ANKRD18A: variants seen among roughly 807,000 people sequenced by gnomAD.
ANKRD18A encodes ankyrin repeat domain 18A, also known as ankyrin repeat domain-containing protein 18A.
ANKRD18A carries 72 observed loss-of-function variants against 110.6 expected under a neutral mutation model. The observed-to-expected ratio is 0.65, with a 90% confidence interval of 0.54 to 0.79. The LOEUF is 0.79. Ranked by LOEUF, ANKRD18A falls within the 30% of genes least tolerant of loss-of-function variation. The probability of loss-of-function intolerance (pLI) is 0.00; values close to 1 mark genes in which losing one functional copy is unlikely to be tolerated. For missense variants in ANKRD18A, 934 were observed against 1,163.3 expected, an observed-to-expected ratio of 0.80 and a Z score of 2.87; for synonymous variants, 305 against 410.3, an observed-to-expected ratio of 0.74 and a Z score of 3.10.
downstream of ANKRD18A, chr9:38,566,965 C>A (rs1460537166): frequency 1.3e-5 from 2 of 152,138 alleles, no homozygotes; most frequent in Admixed American, 6.5e-5. Flanking sequence ...AAATATAATT[C>A]AACATGAGAT....
chr9:38,613,665 T>G (rs1260303249), intron 3 of ANKRD18A, among the ~76,000 whole-genome samples: 1 of 152,234 alleles, frequency 6.6e-6, no homozygotes, highest in East Asian at 1.9e-4. Flanking sequence ...TCCTATTGTA[T>G]TCTCACTGAC....
chr9:38,577,328 C>A, intron 13 of ANKRD18A, 64 bp from the exon 14 acceptor site: 1 of 1,459,460 alleles, frequency 6.9e-7, no homozygotes, highest in Non-Finnish European at 9.1e-7. Context: ...AGGTTTGTTG[C>A]CTTTCATTTT....
intron 10 of ANKRD18A, among the ~76,000 whole-genome samples, chr9:38,592,514 G>A (rs549677443): frequency 6.6e-6 from 1 of 152,338 alleles, no homozygotes; most frequent in African/African-American, 2.4e-5. Flanking sequence ...CAGGAACTGA[G>A]AAGGCAGGAA....
chr9:38,586,888 G>A (rs1970295), intron 11 of ANKRD18A, among the ~76,000 whole-genome samples: 70,629 of 151,942 alleles, frequency 0.46, 19,402 homozygotes, highest in African/African-American at 0.77. Flanking sequence ...TTTATAAATA[G>A]ACTATTCATA....
chr9:38,606,814 G>A (rs1211496954), intron 6 of ANKRD18A, among the ~76,000 whole-genome samples: 1 of 151,988 alleles, frequency 6.6e-6, no homozygotes, highest in Admixed American at 6.6e-5. Flanking sequence ...AATTATGGAG[G>A]AAATTGCAAC....
chr9:38,589,278 A>G (rs1824528176), intron 10 of ANKRD18A, among the ~76,000 whole-genome samples: 1 of 152,146 alleles, frequency 6.6e-6, no homozygotes, highest in African/African-American at 2.4e-5. Flanking sequence ...CTCCCCTTCC[A>G]TTGGACTCTA....
chr9:38,589,864 C>T (rs1824562024), intron 10 of ANKRD18A, among the ~76,000 whole-genome samples: 1 of 152,182 alleles, frequency 6.6e-6, no homozygotes, highest in Admixed American at 6.5e-5. Flanking sequence ...CTCAGAACTC[C>T]TAATATCTCA....
At chr9:38,588,212 C>T (rs1824468304) in intron 11 of ANKRD18A, among the ~76,000 whole-genome samples, 1 of 152,124 alleles carries the variant, frequency 6.6e-6, no homozygotes, top group Non-Finnish European at 1.5e-5. Context: ...CCCAATCTCG[C>T]CCCAGCAGCT....
intron 10 of ANKRD18A, among the ~76,000 whole-genome samples, chr9:38,590,470 T>G (rs1316385936): frequency 6.6e-6 from 1 of 152,152 alleles, no homozygotes; most frequent in African/African-American, 2.4e-5. Flanking sequence ...CAGGCTCTTC[T>G]TGTACTTCTG....
intron 14 of ANKRD18A, 47 bp downstream of exon 14, chr9:38,577,006 A>T (rs1823922130): frequency 6.6e-7 from 1 of 1,511,176 alleles, no homozygotes; most frequent in Non-Finnish European, 8.9e-7. Context: ...TTTTAAGACA[A>T]ATTAATGAGC....
chr9:38,573,143 AT>A, intron 15 of ANKRD18A: 11 of 1,116,434 alleles, frequency 9.9e-6, no homozygotes, highest in African/African-American at 1.6e-5. Context: ...AAATAAGTAA[AT>A]AATAATAATA....
intron 8 of ANKRD18A, among the ~76,000 whole-genome samples, chr9:38,600,421 ATACTG>A (rs1825070112): frequency 6.6e-6 from 1 of 152,238 alleles, no homozygotes; most frequent in South Asian, 2.1e-4. Context: ...TTCAAATGCT[ATACTG>A]TAATATGATA....
At chr9:38,578,170 G>A (rs1439302196) in intron 12 of ANKRD18A, 22 bp from the exon 13 acceptor site, 5 of 1,525,318 alleles carry the variant, frequency 3.3e-6, no homozygotes, top group African/African-American at 1.4e-5. Context: ...AAATAATAGA[G>A]CTTGATAATG....
At chr9:38,618,174 C>A (rs1364773498) in intron 1 of ANKRD18A, among the ~76,000 whole-genome samples, 3 of 151,946 alleles carry the variant, frequency 2.0e-5, no homozygotes, top group Non-Finnish European at 4.4e-5. Flanking sequence ...TTTCTCTTCC[C>A]AAAATTTATT....
chr9:38,578,253 A>G lies in ANKRD18A; in HGVS notation c.2248-105T>C. 3 of 1,117,964 alleles carry G rather than the reference A, an allele frequency of 2.7e-6. No homozygotes were observed. In the East Asian group the frequency reaches 7.9e-5, roughly 29 times the overall value. The allele number at this position is 1,117,964 out of a possible 1,614,324, so 69.3% of individuals were successfully genotyped here. ...ATGCATTGACTTGAAATAAAATGTTATCTATAATGTAGTAGATTCTTCAAA... is the reference window on the plus strand; with the variant it reads ...ATGCATTGACTTGAAATAAAATGTTGTCTATAATGTAGTAGATTCTTCAAA... On this transcript the variant is annotated intron_variant, in intron 12 of 15. Transcript: ENST00000399703.
rs561815037 is a variant in ANKRD18A at position 38,571,706 on chromosome 9, G to A, written c.*339C>T. On this transcript the variant is annotated 3_prime_UTR_variant, in exon 16 of 16. Transcript: ENST00000399703. ...TCAATGATGACTTGGTTGTTTGGCTGTTTAAACAGCTGACATTCAGGCAAT... is the reference window on the plus strand; with the variant it reads ...TCAATGATGACTTGGTTGTTTGGCTATTTAAACAGCTGACATTCAGGCAAT... 4.0e-5 allele frequency: 42 copies of A among 1,043,752 alleles called. No homozygotes were observed. In the South Asian group the frequency reaches 1.2e-3, roughly 31 times the overall value. 64.7% of individuals were successfully genotyped at this position (1,043,752 alleles called of 1,614,324 possible).
At chr9:38,595,065 A>C (rs1037829855) in intron 9 of ANKRD18A, among the ~76,000 whole-genome samples, 2 of 152,196 alleles carry the variant, frequency 1.3e-5, no homozygotes, top group Non-Finnish European at 2.9e-5. Flanking sequence ...CTGATATAGT[A>C]AACACTTTTT....
At chr9:38,573,207 A>C in intron 15 of ANKRD18A, 3 of 806,038 alleles carry the variant, frequency 3.7e-6, no homozygotes, top group Non-Finnish European at 5.1e-6. Flanking sequence ...ATATTACAAA[A>C]TGTGGCCCTT....
rs1229914451 is a variant in ANKRD18A, at chr9:38,577,121, T to A, written c.2673A>T (p.Leu891Phe). Residue 891 changes from leucine (L) to phenylalanine (F), a missense_variant, in exon 14 of 16, where the codon TTA becomes TTT. By Grantham distance (22) the Leu-to-Phe change is conservative (BLOSUM62 0). Transcript: ENST00000399703. ...KTAYEEVTTE[L>F]EEFKEAFAGA... is the part of the protein sequence containing the mutation. The stretch of plus-strand genomic sequence containing the variant: ...CTGCAAAGGCTTCCTTAAATTCTTC[T>A]AATTCAGTTGTAACCTCTTCATAAG... The A allele has an allele frequency of 6.5e-7, 1 of 1,549,390 alleles. No individual in the cohort carries two copies. Among genetic ancestry groups the A allele is most frequent in the East Asian group, 2.5e-5 (1 of 40,782 alleles).
Sources: allele counts gnomAD v4.1 joint callset (sites outside exome capture counted in the v4.1 genomes callset), GRCh38; gene constraint gnomAD v4.1.1; transcripts MANE v1.5; gene names NCBI Gene and HGNC (gene_info 2026-07-23, HGNC 2026-07-21).